The following SDHC variants were observed in gnomAD, a reference collection of about 807,000 sequenced individuals.
SDHC encodes the protein succinate dehydrogenase complex subunit C.
In SDHC, 11 loss-of-function variants were observed where a neutral mutation model predicts 22.6. The observed-to-expected ratio is 0.49, with a 90% confidence interval of 0.31 to 0.81. The LOEUF is 0.81. Among genes scored for constraint, SDHC ranks in the 30% least tolerant of loss-of-function variants. The pLI, the probability that SDHC is intolerant of heterozygous loss-of-function variation, is 0.05. For synonymous variants in SDHC, 80 were observed against 77.8 expected, an observed-to-expected ratio of 1.03 and a Z score of -0.15; for missense variants, 160 against 212.0, an observed-to-expected ratio of 0.75 and a Z score of 1.52.
intron 1 of SDHC, among the ~76,000 whole-genome samples, chr1:161,322,191 A>G (rs901106352): frequency 2.0e-5 from 3 of 152,208 alleles, no homozygotes; most frequent in Non-Finnish European, 2.9e-5. Context: ...ATTTTGGGTT[A>G]TGGAGGGTTT....
rs1671638505 is a variant in SDHC at position 161,339,662 on chromosome 1, G to GTTGTTTTTTT, written c.180-930_180-929insGTTTTTTTTT. 4 of 49,566 alleles carry GTTGTTTTTTT rather than the reference G, an allele frequency of 8.1e-5. No individual in the cohort carries two copies. The East Asian group carries it at 3.8e-3, about 47-fold the overall frequency. The allele number at this position is 49,566 out of a possible 1,614,324, so 3.1% of individuals were successfully genotyped here. Reference sequence around the variant, plus strand: ...TTTGTAACCTAATCCTGATACAGGTGTTTTTTTTTTTTTTTTTTTTTTTTT... The same window carrying GTTGTTTTTTT: ...TTTGTAACCTAATCCTGATACAGGTGTTGTTTTTTTTTTTTTTTTTTTTTTTTTTTTTTTT... On this transcript the variant is annotated intron_variant, in intron 3 of 5. Coordinates refer to ENST00000367975, the MANE Select transcript of SDHC (RefSeq NM_003001.5).
chr1:161,349,885 G>A (rs1189131624), intron 4 of SDHC, among the ~76,000 whole-genome samples: 1 of 152,062 alleles, frequency 6.6e-6, no homozygotes, highest in Non-Finnish European at 1.5e-5. Context: ...CCACAAATTT[G>A]GATAATACCT....
chr1:161,361,711 C>T (rs1423509140), intron 5 of SDHC, among the ~76,000 whole-genome samples: 2 of 151,972 alleles, frequency 1.3e-5, no homozygotes, highest in African/African-American at 2.4e-5. Context: ...GGCGTGGTGG[C>T]GTGTGCCTCT....
chr1:161,318,855 G>A (rs890342288), intron 1 of SDHC, among the ~76,000 whole-genome samples: 2 of 151,914 alleles, frequency 1.3e-5, no homozygotes, highest in African/African-American at 4.8e-5. Context: ...CCAACATGGA[G>A]AAACCTCGTC....
chr1:161,336,564 A>G (rs887213952), intron 3 of SDHC, among the ~76,000 whole-genome samples: 1 of 152,174 alleles, frequency 6.6e-6, no homozygotes, highest in Non-Finnish European at 1.5e-5. Flanking sequence ...CAGGTCATAT[A>G]AAGAATGGTT....
chr1:161,354,083 C>G (rs1571886402), intron 4 of SDHC, among the ~76,000 whole-genome samples: 1 of 151,934 alleles, frequency 6.6e-6, no homozygotes, highest in African/African-American at 2.4e-5. Flanking sequence ...ATTCCTGGGC[C>G]CGAGTAATCC....
At chr1:161,346,816 G>A (rs1261243466) in intron 4 of SDHC, among the ~76,000 whole-genome samples, 1 of 152,150 alleles carries the variant, frequency 6.6e-6, no homozygotes, top group Non-Finnish European at 1.5e-5. Context: ...AAAATCTACA[G>A]ATACTCAAGT....
At chr1:161,354,826 C>A (rs992971163) in intron 4 of SDHC, among the ~76,000 whole-genome samples, 3 of 151,854 alleles carry the variant, frequency 2.0e-5, no homozygotes, top group Non-Finnish European at 2.9e-5. Context: ...TCTCCTGCCT[C>A]AGCCTCCTGA....
At chr1:161,360,532 G>A (rs1672466612) in intron 5 of SDHC, among the ~76,000 whole-genome samples, 1 of 148,504 alleles carries the variant, frequency 6.7e-6, no homozygotes, top group Non-Finnish European at 1.5e-5. Context: ...CTCCAGCCTA[G>A]GTGACAAAGT....
intron 4 of SDHC, 108 bp downstream of exon 4, chr1:161,340,763 G>C: frequency 3.6e-6 from 3 of 826,682 alleles, no homozygotes; most frequent in South Asian, 2.7e-5. Context: ...GATTTAGAGG[G>C]AACAGTAAGT....
At chr1:161,324,882 A>G (rs1212629550) in intron 2 of SDHC, among the ~76,000 whole-genome samples, 1 of 152,108 alleles carries the variant, frequency 6.6e-6, no homozygotes, top group African/African-American at 2.4e-5. Flanking sequence ...CAGATTTTTC[A>G]TTTGTCCCAA....
At chr1:161,331,785 C>T (rs953744020) in intron 3 of SDHC, among the ~76,000 whole-genome samples, 45 of 151,346 alleles carry the variant, frequency 3.0e-4, no homozygotes, top group African/African-American at 8.7e-4. Flanking sequence ...TTCGTAGAGA[C>T]GGGGTTTCGC....
intron 4 of SDHC, among the ~76,000 whole-genome samples, chr1:161,351,555 T>G (rs958469855): frequency 6.6e-6 from 1 of 152,236 alleles, no homozygotes; most frequent in Admixed American, 6.5e-5. Flanking sequence ...TATTTGTAGT[T>G]AAACAAGTCC....
intron 5 of SDHC, among the ~76,000 whole-genome samples, chr1:161,359,985 A>C (rs1482455387): frequency 1.3e-5 from 2 of 151,776 alleles, no homozygotes; most frequent in African/African-American, 2.4e-5. Context: ...TCTCCTAGTT[A>C]GAAGCAATTT....
In SDHC at chr1:161,334,804, T is replaced by G. The variant is rs184354493; in HGVS notation, c.180-5790T>G. ...TTCCCCTTTGCCGTAAAAGGTAACA[T>G]ATTCATAGGTTCTAGAGATTAGAAC... is the stretch of plus-strand genomic sequence containing the variant. On this transcript the variant is annotated intron_variant, in intron 3 of 5. Transcript: ENST00000367975. Among the ~76,000 whole-genome samples the G allele has an allele frequency of 5.8e-4, 89 of 152,284 alleles. 1 individual carries two copies. The highest frequency in any genetic ancestry group is 3.5e-3 in the Admixed American group (54 of 15,294).
At chr1:161,325,250 G>A (rs1157421442) in intron 2 of SDHC, among the ~76,000 whole-genome samples, 1 of 151,838 alleles carries the variant, frequency 6.6e-6, no homozygotes, top group Non-Finnish European at 1.5e-5. Context: ...GCTCACACTT[G>A]TAATTCCAGC....
intron 1 of SDHC, among the ~76,000 whole-genome samples, chr1:161,321,658 G>T (rs1670842359): frequency 6.6e-6 from 1 of 152,222 alleles, no homozygotes; most frequent in Non-Finnish European, 1.5e-5. Context: ...AAAGAGGGAA[G>T]AGCTGAAGAA....
At chr1:161,343,309 C>T (rs151032324) in intron 4 of SDHC, among the ~76,000 whole-genome samples, 181 of 152,216 alleles carry the variant, frequency 1.2e-3, no homozygotes, top group Admixed American at 3.3e-3. Context: ...GCTGATGAGA[C>T]ATTGGCAGGA....
intron 3 of SDHC, among the ~76,000 whole-genome samples, chr1:161,330,898 T>C (rs900092687): frequency 2.0e-5 from 3 of 150,670 alleles, no homozygotes; most frequent in African/African-American, 7.3e-5. Context: ...CTTGGGAGGC[T>C]GAGGCACAAG....
Sources: allele counts gnomAD v4.1 joint callset (sites outside exome capture counted in the v4.1 genomes callset), GRCh38; gene constraint gnomAD v4.1.1; transcripts MANE v1.5; gene names NCBI Gene and HGNC (gene_info 2026-07-23, HGNC 2026-07-21).